NTM: variants seen among roughly 807,000 people sequenced by gnomAD.
NTM encodes the protein neurotrimin, also known as IgLON family member 2.
NTM carries 13 observed loss-of-function variants against 42.1 expected under a neutral mutation model. The ratio of observed to expected loss-of-function variants is 0.31; its 90% CI spans 0.20 to 0.49. The LOEUF is 0.49. Among genes scored for constraint, NTM ranks in the 20% least tolerant of loss-of-function variants. NTM has a pLI of 0.99. For synonymous variants in NTM, 187 were observed against 179.2 expected, an observed-to-expected ratio of 1.04 and a Z score of -0.35; for missense variants, 373 against 452.8, an observed-to-expected ratio of 0.82 and a Z score of 1.60.
intron 1 of NTM, among the ~76,000 whole-genome samples, chr11:131,833,994 T>C (rs1309716022): frequency 6.6e-6 from 1 of 152,206 alleles, no homozygotes; most frequent in Non-Finnish European, 1.5e-5. Context: ...TCATCTAAGT[T>C]CTGGAAAGCT....
chr11:131,387,122 A>T (rs2135560344), intron 1 of NTM, among the ~76,000 whole-genome samples: 3 of 152,332 alleles, frequency 2.0e-5, no homozygotes, highest in African/African-American at 7.2e-5. Context: ...CAAATAGGAT[A>T]TTTGAATTTC....
In NTM at chr11:132,326,023, G is replaced by T. The variant is rs1012633430; in HGVS notation, c.935-4130G>T. Among the ~76,000 whole-genome samples, 5 of 151,954 alleles carry T rather than the reference G, an allele frequency of 3.3e-5. No homozygotes were observed. In the East Asian group the frequency reaches 5.8e-4, roughly 18 times the overall value. ...CACACACTGGGGACTGTTGTGGGGT[G>T]GGGGGACGGGGGAGGGATAGCATTA... On this transcript the variant is annotated intron_variant, in intron 7 of 8. Transcript: ENST00000683400.
At chr11:131,682,074 G>T (rs1489694817) in intron 1 of NTM, among the ~76,000 whole-genome samples, 2 of 152,092 alleles carry the variant, frequency 1.3e-5, no homozygotes, top group African/African-American at 4.8e-5. Context: ...CAGAACCGAC[G>T]CACCTAGTGA....
At chr11:131,496,871 C>T (rs971282055) in intron 1 of NTM, among the ~76,000 whole-genome samples, 58 of 152,278 alleles carry the variant, frequency 3.8e-4, no homozygotes, top group Non-Finnish European at 2.4e-4. Flanking sequence ...GGAACAGGCA[C>T]GGAGAGATTT....
At chr11:131,991,861 G>A (rs2067084253) in intron 2 of NTM, among the ~76,000 whole-genome samples, 1 of 152,144 alleles carries the variant, frequency 6.6e-6, no homozygotes, top group Admixed American at 6.6e-5. Flanking sequence ...GTGGAAATAT[G>A]GGAAATTTGG....
chr11:131,971,123 G>C (rs918393464), intron 2 of NTM, among the ~76,000 whole-genome samples: 5 of 152,272 alleles, frequency 3.3e-5, no homozygotes, highest in Admixed American at 1.3e-4. Flanking sequence ...AGGCTTAATT[G>C]TCTAAATAGC....
intron 2 of NTM, among the ~76,000 whole-genome samples, chr11:132,001,573 G>A (rs1940589): frequency 0.26 from 39,721 of 151,868 alleles, 5,454 homozygotes; most frequent in Admixed American, 0.29. Context: ...TGGTGAGAGA[G>A]GAAGCAGGAG....
At position 132,314,582 on chromosome 11, in the gene NTM, G is replaced by A. The variant is rs577096522; in HGVS notation, c.813G>A (p.Val271=). The change falls in exon 7 of 9, where the codon GTG becomes GTA. Residue 271 remains valine (V), a synonymous_variant. Coordinates refer to ENST00000683400, the MANE Select transcript of NTM (RefSeq NM_001352005.2). ...RLIEGKKGVK[V]ENRPFLSKLI... ...TTGAAGGAAAGAAAGGGGTGAAAGT[G>A]GAAAACAGACCTTTCCTCTCAAAAC... The A allele has an allele frequency of 8.1e-6, 13 of 1,613,286 alleles. No individual in the cohort carries two copies. The highest frequency in any genetic ancestry group is 8.5e-6 in the Non-Finnish European group (10 of 1,179,616).
chr11:131,984,989 A>AT (rs1300952898), intron 2 of NTM, among the ~76,000 whole-genome samples: 18 of 152,098 alleles, frequency 1.2e-4, no homozygotes, highest in East Asian at 1.9e-4. Flanking sequence ...GCTTAGAACC[A>AT]TTTTTTTTAA....
intron 3 of NTM, among the ~76,000 whole-genome samples, chr11:132,183,078 A>G (rs905419898): frequency 6.6e-6 from 1 of 152,080 alleles, no homozygotes; most frequent in African/African-American, 2.4e-5. Flanking sequence ...TCCTCATTGC[A>G]TATATTGTCA....
intron 2 of NTM, among the ~76,000 whole-genome samples, chr11:132,134,753 A>ATT (rs1242114738): frequency 1.0e-5 from 1 of 97,868 alleles, no homozygotes; most frequent in Non-Finnish European, 2.1e-5. Context: ...ATATATATAT[A>ATT]TATATATCTC....
At chr11:131,547,154 ATTATTC>A (rs2054054382) in intron 1 of NTM, among the ~76,000 whole-genome samples, 2 of 152,300 alleles carry the variant, frequency 1.3e-5, no homozygotes, top group Admixed American at 1.3e-4. Flanking sequence ...CAAGGTGGTA[ATTATTC>A]TTACTATGTC....
At position 131,401,818 on chromosome 11, in the gene NTM, A is replaced by ATATATATATATGTG. The variant is rs1565465278; in HGVS notation, c.82+30941_82+30942insGTGTATATATATAT. ...ACTGGAAATATATATATATATATAT[A>ATATATATATATGTG]TATATATATATATATATATATATAT... On this transcript the variant is annotated intron_variant, in intron 1 of 8. Coordinates refer to ENST00000683400, the MANE Select transcript of NTM (RefSeq NM_001352005.2). 4.0e-3 allele frequency among the ~76,000 whole-genome samples: 172 copies of ATATATATATATGTG among 42,988 alleles called. 6 individuals are homozygous for ATATATATATATGTG. The highest frequency in any genetic ancestry group is 5.2e-3 in the Non-Finnish European group (116 of 22,400). 28.2% of individuals were successfully genotyped at this position (42,988 alleles called of 152,430 possible).
intron 1 of NTM, among the ~76,000 whole-genome samples, chr11:131,468,499 T>C (rs1398782351): frequency 1.3e-5 from 2 of 152,250 alleles, no homozygotes; most frequent in African/African-American, 4.8e-5. Context: ...ATGCATTTAT[T>C]TATTTCATGG....
chr11:132,335,180 C>T lies in NTM; in HGVS notation c.*34C>T, dbSNP rs987840039. 2 of 1,607,536 alleles carry T rather than the reference C, an allele frequency of 1.2e-6. No individual in the cohort carries two copies. Among genetic ancestry groups the T allele is most frequent in the Non-Finnish European group, 1.7e-6 (2 of 1,178,458 alleles). ...CCACTTCCCCACCCGGGAAAGGCTGCCGCCACCACCACCACCAACACAACA... is the reference window on the plus strand; with the variant it reads ...CCACTTCCCCACCCGGGAAAGGCTGTCGCCACCACCACCACCAACACAACA... On this transcript the variant is annotated 3_prime_UTR_variant, in exon 9 of 9. Transcript: ENST00000683400.
At chr11:132,066,822 T>A (rs2056571839) in intron 2 of NTM, among the ~76,000 whole-genome samples, 1 of 152,178 alleles carries the variant, frequency 6.6e-6, no homozygotes, top group Admixed American at 6.5e-5. Context: ...TCCAGAATAA[T>A]CTTCCCATCT....
intron 1 of NTM, among the ~76,000 whole-genome samples, chr11:131,428,167 C>T (rs1265212902): frequency 6.6e-6 from 1 of 152,190 alleles, no homozygotes; most frequent in African/African-American, 2.4e-5. Context: ...ACCTTCTCCT[C>T]CCCTTGATGT....
At chr11:132,065,107 T>C (rs922653719) in intron 2 of NTM, among the ~76,000 whole-genome samples, 3 of 152,200 alleles carry the variant, frequency 2.0e-5, no homozygotes, top group African/African-American at 7.2e-5. Context: ...GGGAAACTCC[T>C]ACAGCTGGCT....
chr11:132,242,465 G>T (rs529401371), intron 4 of NTM, among the ~76,000 whole-genome samples: 1 of 152,264 alleles, frequency 6.6e-6, no homozygotes, highest in Non-Finnish European at 1.5e-5. Context: ...GAGAAAGAAA[G>T]AATAGCAAAG....
Sources: allele counts gnomAD v4.1 joint callset (sites outside exome capture counted in the v4.1 genomes callset), GRCh38; gene constraint gnomAD v4.1.1; transcripts MANE v1.5; gene names NCBI Gene and HGNC (gene_info 2026-07-23, HGNC 2026-07-21).